MROH1: variants seen among roughly 807,000 people sequenced by gnomAD.
MROH1 encodes maestro heat-like repeat-containing protein family member 1.
A neutral mutation model predicts 116.5 loss-of-function variants in MROH1; 117 were observed. The ratio of observed to expected loss-of-function variants is 1.00; its 90% confidence interval spans 0.86 to 1.17. The LOEUF (loss-of-function observed/expected upper bound fraction) is 1.17, where lower values mean the gene tolerates loss of function less well. MROH1 is among the 50% of genes most tolerant of loss of function. The probability of loss-of-function intolerance (pLI) is 0.00; values close to 1 mark genes in which losing one functional copy is unlikely to be tolerated. For missense variants in MROH1, 1,873 were observed against 1,338.5 expected (o/e 1.40, Z -6.23); for synonymous variants, 921 against 583.9 (o/e 1.58, Z -8.32).
rs377587252 is a variant in MROH1, at chr8:144,168,401, G to A, written c.129G>A (p.Thr43=). 81 of 1,610,996 alleles carry A rather than the reference G, an allele frequency of 5.0e-5. No homozygotes were observed. The highest frequency in any genetic ancestry group is 1.3e-4 in the African/African-American group (10 of 74,906). ...TCGGGGAGGCGCGGCCGGTGGAGACGCTCCGTGCCTGCGAGGAGTATCTGC... is the reference window on the plus strand; with the variant it reads ...TCGGGGAGGCGCGGCCGGTGGAGACACTCCGTGCCTGCGAGGAGTATCTGC... ...CSLGEARPVE[T]LRACEEYLRQ... is the part of the protein sequence containing the mutation. The change falls in exon 4 of 44, where the codon ACG becomes ACA. Residue 43 remains threonine (T), a synonymous_variant. Coordinates refer to ENST00000326134, the MANE Select transcript of MROH1 (RefSeq NM_032450.3).
chr8:144,173,907 C>T (rs969601847), intron 4 of MROH1, among the ~76,000 whole-genome samples: 3 of 152,060 alleles, frequency 2.0e-5, no homozygotes, highest in Admixed American at 6.6e-5. Context: ...GTGAGGAGGG[C>T]AGAGAAGAAT....
At chr8:144,245,032 C>A (rs1326541723) in intron 28 of MROH1, 124 bp from the exon 29 acceptor site, 4 of 738,392 alleles carry the variant, frequency 5.4e-6, no homozygotes, top group Non-Finnish European at 9.9e-6. Flanking sequence ...GGGTCCCCGG[C>A]TTGGCCCCCT....
chr8:144,214,500 C>T (rs948613503), intron 12 of MROH1: 13 of 152,134 alleles, frequency 8.5e-5, no homozygotes, highest in African/African-American at 1.9e-4. Context: ...AGGTAAACCC[C>T]GGTGCATGTG....
intron 33 of MROH1, chr8:144,250,621 G>A (rs1350828984): frequency 1.7e-6 from 1 of 573,812 alleles, no homozygotes; most frequent in South Asian, 2.0e-5. Context: ...CCACAGGGAA[G>A]CTGCTGTTTC....
intron 4 of MROH1, among the ~76,000 whole-genome samples, chr8:144,172,782 A>T (rs1470543723): frequency 6.6e-6 from 1 of 152,074 alleles, no homozygotes; most frequent in Non-Finnish European, 1.5e-5. Flanking sequence ...ACTCCCTGAG[A>T]TGTCCCACAT....
At chr8:144,250,583 T>C in intron 33 of MROH1, 1 of 633,598 alleles carries the variant, frequency 1.6e-6, no homozygotes, top group Non-Finnish European at 2.9e-6. Flanking sequence ...GGATCCTCAC[T>C]GGCTCCGGTG....
At chr8:144,228,817 G>A (rs1404616141) in intron 14 of MROH1, among the ~76,000 whole-genome samples, 1 of 152,202 alleles carries the variant, frequency 6.6e-6, no homozygotes, top group East Asian at 1.9e-4. Context: ...TGACTCTTCT[G>A]TTCACAAAAC....
Position 144,223,242 on chromosome 8 carries a change from C to CCACCTTG in MROH1, c.1338+14_1338+20dup. On this transcript the variant is annotated intron_variant, in intron 14 of 43. Coordinates refer to ENST00000326134, the MANE Select transcript of MROH1 (RefSeq NM_032450.3). ...CCCCCGAGCAGGAGGTAAGGGGCTG[C>CCACCTTG]CACCTTGCCTGCCTCCTAGGCCCAC... 6.3e-7 allele frequency: 1 copy of CCACCTTG among 1,589,728 alleles called. No individual in the cohort carries two copies. The highest frequency in any genetic ancestry group is 8.6e-7 in the Non-Finnish European group (1 of 1,169,026).
At chr8:144,227,186 A>G (rs1488490852) in intron 14 of MROH1, among the ~76,000 whole-genome samples, 3 of 152,200 alleles carry the variant, frequency 2.0e-5, no homozygotes, top group African/African-American at 7.2e-5. Context: ...TCTTCTTCAT[A>G]TAGGCACTTT....
In MROH1 at chr8:144,244,446, C is replaced by T; in HGVS notation, c.2673C>T (p.Ser891=). 1 of 760,686 alleles carries T rather than the reference C, an allele frequency of 1.3e-6. No homozygotes were observed. Among genetic ancestry groups the T allele is most frequent in the Admixed American group, 1.8e-5 (1 of 56,538 alleles). 47.1% of individuals were successfully genotyped at this position (760,686 alleles called of 1,614,324 possible). A position where few individuals can be genotyped will look rare whatever the true frequency, so the allele number is the denominator to read the frequency against. The change falls in exon 28 of 44, where the codon TCC becomes TCT. Residue 891 remains serine (S), a splice_region_variant and synonymous_variant. Coordinates refer to ENST00000326134, the MANE Select transcript of MROH1 (RefSeq NM_032450.3). ...PKEEDGGCQK[S]LYLETLHALE... ...GGACGGCCTGGCTCTCCTTCCAGTC[C>T]CTGTATCTGGAGACACTGCACGCCC...
chr8:144,231,010 C>G (rs2132620002), intron 14 of MROH1, among the ~76,000 whole-genome samples: 1 of 135,484 alleles, frequency 7.4e-6, no homozygotes, highest in Non-Finnish European at 1.6e-5. Flanking sequence ...GGTGATGACT[C>G]TTAACGAGCA....
chr8:144,249,842 G>A (rs1842552500), intron 32 of MROH1, among the ~76,000 whole-genome samples: 3 of 152,344 alleles, frequency 2.0e-5, no homozygotes, highest in African/African-American at 7.2e-5. Flanking sequence ...CCTGCCTCCG[G>A]TGGGCCTGCC....
intron 11 of MROH1, among the ~76,000 whole-genome samples, chr8:144,199,937 T>G (rs1830735141): frequency 6.6e-6 from 1 of 152,130 alleles, no homozygotes; most frequent in Non-Finnish European, 1.5e-5. Context: ...AGAGCCCACC[T>G]GGAATGGGGA....
chr8:144,248,841 C>A, intron 31 of MROH1, 36 bp from the exon 32 acceptor site: 2 of 773,228 alleles, frequency 2.6e-6, no homozygotes, highest in Non-Finnish European at 4.8e-6. Context: ...GGGGGTGCCC[C>A]CCTTCCCTCA....
rs933449644 is a variant in MROH1 at position 144,248,899 on chromosome 8, C to A, written c.3143C>A (p.Pro1048Gln). ...VGQIIAKRLP[P>Q]DQLISLLLTM... Reference sequence around the variant, plus strand: ...TAGATTATTGCCAAGCGCCTCCCCCCAGACCAGCTCATCAGCCTCTTGCTA... The same window carrying A: ...TAGATTATTGCCAAGCGCCTCCCCCAAGACCAGCTCATCAGCCTCTTGCTA... Residue 1048 changes from proline to glutamine, a missense_variant, in exon 32 of 44, where the codon CCA (proline) becomes CAA (glutamine). Transcript: ENST00000326134. The A allele has an allele frequency of 6.8e-5, 53 of 778,802 alleles. No individual in the cohort carries two copies. The highest frequency in any genetic ancestry group is 1.7e-4 in the African/African-American group (10 of 59,110). The allele number at this position is 778,802 out of a possible 1,614,324, so 48.2% of individuals were successfully genotyped here.
rs1254095782 is a variant in MROH1, at chr8:144,152,385, TA to T, written c.-177+4317del. Among the ~76,000 whole-genome samples, 897 of 98,348 alleles carry T rather than the reference TA, an allele frequency of 9.1e-3. 3 individuals are homozygous for T. Among genetic ancestry groups the T allele is most frequent in the East Asian group, 0.012 (35 of 2,832 alleles). 64.5% of individuals were successfully genotyped at this position (98,348 alleles called of 152,430 possible). A position where few individuals can be genotyped will look rare whatever the true frequency, so the allele number is the denominator to read the frequency against. On this transcript the variant is annotated intron_variant, in intron 1 of 43. Transcript: ENST00000326134. ...ATCATAACTGCCTTGTTTTTTTATT[TA>T]AAAAAAATTTTTTTTTTTTTTGAGA...
Position 144,180,786 on chromosome 8 carries a change from G to T in MROH1, c.562+263G>T, listed in dbSNP as rs1032323777. Reference sequence around the variant, plus strand: ...TCCACTGAGGGCTGGACGTGCCTGGGGGGTAGGAAGAGACTTCCTCGAAGC... The same window carrying T: ...TCCACTGAGGGCTGGACGTGCCTGGTGGGTAGGAAGAGACTTCCTCGAAGC... On this transcript the variant is annotated intron_variant, in intron 7 of 43. Transcript: ENST00000326134. This position sits in a 1 kb window ranked among gnomAD's most constrained non-coding sequence, Gnocchi z 7.4. 1.3e-5 allele frequency among the ~76,000 whole-genome samples: 2 copies of T among 152,126 alleles called. No individual in the cohort carries two copies. The highest frequency in any genetic ancestry group is 1.3e-4 in the Admixed American group (2 of 15,278).
Position 144,244,474 on chromosome 8 carries a change from G to A in MROH1, c.2701G>A (p.Glu901Lys). 1.3e-6 allele frequency: 1 copy of A among 772,858 alleles called. No individual in the cohort carries two copies. The highest frequency in any genetic ancestry group is 1.7e-5 in the Admixed American group (1 of 58,206). The allele number at this position is 772,858 out of a possible 1,614,324, so 47.9% of individuals were successfully genotyped here. ...SLYLETLHAL[E>K]DLLTSLLQRN... is the part of the protein sequence containing the mutation. ...GTATCTGGAGACACTGCACGCCCTT[G>A]AGGATCTGCTGACGAGCCTCCTGCA... Residue 901 changes from glutamate to lysine, a missense_variant, in exon 28 of 44, where the codon GAG (glutamate) becomes AAG (lysine). Transcript: ENST00000326134.
chr8:144,241,137 C>A, intron 21 of MROH1, 26 bp downstream of exon 21: 1 of 731,506 alleles, frequency 1.4e-6, no homozygotes. Flanking sequence ...CTGCAGAAGC[C>A]CCAGACACCC....
Sources: allele counts gnomAD v4.1 joint callset (sites outside exome capture counted in the v4.1 genomes callset), GRCh38; gene constraint gnomAD v4.1.1; non-coding constraint Gnocchi (gnomAD v3.1); transcripts MANE v1.5; gene names NCBI Gene and HGNC (gene_info 2026-07-23, HGNC 2026-07-21).